The following ZFTRAF1 variants were observed in gnomAD, a reference collection of about 807,000 sequenced individuals.
The protein encoded by ZFTRAF1 is zinc finger TRAF-type and ring finger containing 1.
chr8:144,455,362 G>A, the ZFTRAF1 span: 2 of 152,306 alleles, frequency 1.3e-5, no homozygotes, highest in African/African-American at 2.4e-5. Flanking sequence ...GTTGCCTGAG[G>A]CAGGGAGTGA....
At chr8:144,459,157 G>C in the ZFTRAF1 span, among the ~76,000 whole-genome samples, 2 of 152,240 alleles carry the variant, frequency 1.3e-5, no homozygotes. Context: ...CGCTGAGGCT[G>C]TCTCTTCCCA....
the ZFTRAF1 span, chr8:144,450,115 G>C: frequency 2.2e-6 from 1 of 464,810 alleles, no homozygotes; most frequent in South Asian, 2.5e-5. Context: ...TCTGAGCCTC[G>C]GGGCGCCTGG....
chr8:144,461,204 A>G, the ZFTRAF1 span, among the ~76,000 whole-genome samples: 1 of 152,232 alleles, frequency 6.6e-6, no homozygotes, highest in African/African-American at 2.4e-5. Context: ...ACCACCTGCT[A>G]CAAAAGTAGC....
the ZFTRAF1 span, among the ~76,000 whole-genome samples, chr8:144,459,868 G>A: frequency 1.3e-5 from 2 of 152,238 alleles, no homozygotes; most frequent in Non-Finnish European, 1.5e-5. Context: ...AACAGAGGGT[G>A]GAACCTGCTG....
chr8:144,457,116 G>C, the ZFTRAF1 span: 2 of 151,300 alleles, frequency 1.3e-5, no homozygotes, highest in Non-Finnish European at 2.9e-5. Flanking sequence ...TACCACAGGG[G>C]ATGACATCAT....
chr8:144,450,859 G>C, the ZFTRAF1 span: 2 of 610,344 alleles, frequency 3.3e-6, no homozygotes, highest in Non-Finnish European at 6.0e-6. Flanking sequence ...CCGAGGGCAG[G>C]CTCAGCCGGG....
At chr8:144,453,177 G>T in the ZFTRAF1 span, 1 of 1,523,920 alleles carries the variant, frequency 6.6e-7, no homozygotes, top group African/African-American at 1.4e-5. Flanking sequence ...GCTCCCAGCA[G>T]TCCTGGGCCC....
chr8:144,461,398 C>T, the ZFTRAF1 span, among the ~76,000 whole-genome samples: 1 of 152,210 alleles, frequency 6.6e-6, no homozygotes, highest in African/African-American at 2.4e-5. Flanking sequence ...CTCTGGGTGT[C>T]AACCAGTTTG....
chr8:144,460,542 G>A, the ZFTRAF1 span, among the ~76,000 whole-genome samples: 1 of 152,206 alleles, frequency 6.6e-6, no homozygotes, highest in Non-Finnish European at 1.5e-5. Context: ...GTTCCCCCGT[G>A]GCCTCACACC....
At chr8:144,460,632 C>G in the ZFTRAF1 span, among the ~76,000 whole-genome samples, 2 of 152,378 alleles carry the variant, frequency 1.3e-5, no homozygotes, top group Non-Finnish European at 2.9e-5. Flanking sequence ...CCTGTAATCT[C>G]AGCACTTCAG....
the ZFTRAF1 span, chr8:144,453,347 G>A: frequency 1.3e-6 from 2 of 1,551,158 alleles, no homozygotes; most frequent in Non-Finnish European, 1.7e-6. Flanking sequence ...GGCAGCAGAG[G>A]CTCTTACTGA....
chr8:144,452,639 A>G, the ZFTRAF1 span: 53 of 1,396,722 alleles, frequency 3.8e-5, no homozygotes, highest in Non-Finnish European at 4.9e-5. Flanking sequence ...CTGTCCTCCC[A>G]TATGGCTTCC....
At chr8:144,452,570 C>T in the ZFTRAF1 span, 2 of 1,536,178 alleles carry the variant, frequency 1.3e-6, no homozygotes, top group Non-Finnish European at 1.7e-6. Flanking sequence ...ACTGGGTTAC[C>T]CTGGGGGAGG....
chr8:144,451,187 C>T, the ZFTRAF1 span: 6,018 of 173,916 alleles, frequency 0.035, 403 homozygotes, highest in African/African-American at 0.14. Flanking sequence ...AGCCAGCAGG[C>T]GGCTGCGGCA....
chr8:144,450,277 A>G, the ZFTRAF1 span: 5 of 636,302 alleles, frequency 7.9e-6, no homozygotes, highest in East Asian at 1.1e-4. Flanking sequence ...CTCCTTTGCT[A>G]AAGTGATCAG....
the ZFTRAF1 span, chr8:144,452,648 C>G: frequency 2.2e-6 from 3 of 1,360,140 alleles, no homozygotes; most frequent in East Asian, 7.5e-5. Flanking sequence ...CATATGGCTT[C>G]CATCCAGCTA....
chr8:144,458,830 G>A, the ZFTRAF1 span, among the ~76,000 whole-genome samples: 10 of 152,352 alleles, frequency 6.6e-5, no homozygotes, highest in African/African-American at 1.9e-4. Flanking sequence ...CCTCAGGCAG[G>A]AGAGCATGGG....
chr8:144,453,469 A>G, the ZFTRAF1 span: 4 of 1,543,894 alleles, frequency 2.6e-6, no homozygotes, highest in Non-Finnish European at 3.5e-6. Flanking sequence ...CACTGCGAAG[A>G]AGGAAAGGGA....
the ZFTRAF1 span, among the ~76,000 whole-genome samples, chr8:144,459,022 T>C: frequency 1.3e-5 from 2 of 152,256 alleles, no homozygotes; most frequent in Admixed American, 1.3e-4. Context: ...GGGCCTCATC[T>C]GACAGCAGCA....
Sources: allele counts gnomAD v4.1 joint callset (sites outside exome capture counted in the v4.1 genomes callset), GRCh38; gene constraint gnomAD v4.1.1; transcripts MANE v1.5; gene names NCBI Gene and HGNC (gene_info 2026-07-23, HGNC 2026-07-21).